Variants in SUZ12 observed in about 807,000 individuals in gnomAD.
The protein encoded by SUZ12 is SUZ12 polycomb repressive complex 2 subunit.
A neutral mutation model predicts 87.3 loss-of-function variants in SUZ12; 17 were observed. That is an observed-to-expected ratio of 0.19 (90% CI 0.13 to 0.29). The LOEUF (loss-of-function observed/expected upper bound fraction) is 0.29, where lower values mean the gene tolerates loss of function less well. Ranked by LOEUF, SUZ12 falls within the 10% of genes least tolerant of loss-of-function variation. SUZ12 has a pLI of 1.00. For synonymous variants in SUZ12, 253 were observed against 312.4 expected (o/e 0.81, Z 2.01); for missense variants, 526 against 912.2 (o/e 0.58, Z 5.45).
At chr17:31,993,792 G>C (rs1320144285) in intron 11 of SUZ12, 73 bp from the exon 12 acceptor site, 2 of 1,419,378 alleles carry the variant, frequency 1.4e-6, no homozygotes, top group Non-Finnish European at 1.9e-6. Context: ...ACTATTTTTA[G>C]AAGTGATATT....
chr17:31,994,284 C>A, intron 12 of SUZ12: 2 of 435,168 alleles, frequency 4.6e-6, no homozygotes, highest in South Asian at 5.1e-5. Flanking sequence ...CTAATTGACT[C>A]ACAAAATCCT....
chr17:31,969,384 G>A (rs1450167579), intron 5 of SUZ12, among the ~76,000 whole-genome samples: 1 of 152,064 alleles, frequency 6.6e-6, no homozygotes, highest in Admixed American at 6.6e-5. Flanking sequence ...CCCGATCTCA[G>A]GTGATTTGCC....
intron 1 of SUZ12, among the ~76,000 whole-genome samples, chr17:31,938,030 TA>T (rs1371517783): frequency 6.6e-6 from 1 of 150,602 alleles, no homozygotes; most frequent in East Asian, 1.9e-4. Flanking sequence ...TTTGGATGCT[TA>T]AAACCCTTCA....
rs2142122675 is a variant in SUZ12 at position 31,943,683 on chromosome 17, C to CT, written c.386+3198dup. On this transcript the variant is annotated intron_variant, in intron 3 of 15. Transcript: ENST00000322652. ...ATTCTATAAAACTAGTAGAATTCGA[C>CT]TAACTGTTTTGTTTCATCAAAGCTT... Among the ~76,000 whole-genome samples the CT allele has an allele frequency of 2.0e-5, 3 of 151,970 alleles. No individual in the cohort carries two copies. The East Asian group carries it at 5.8e-4, about 29-fold the overall frequency.
intron 9 of SUZ12, among the ~76,000 whole-genome samples, chr17:31,984,001 A>G (rs750724611): frequency 1.3e-5 from 2 of 152,164 alleles, no homozygotes; most frequent in Non-Finnish European, 2.9e-5. Context: ...GCAAAATCTC[A>G]TAAGGATTTT....
intron 3 of SUZ12, among the ~76,000 whole-genome samples, chr17:31,944,534 A>G (rs1452001048): frequency 1.3e-5 from 2 of 152,224 alleles, no homozygotes; most frequent in South Asian, 4.1e-4. Context: ...ATAATTTTAA[A>G]AGCTTGGTTA....
chr17:31,942,571 AG>A (rs1906367222), intron 3 of SUZ12, among the ~76,000 whole-genome samples: 1 of 151,682 alleles, frequency 6.6e-6, no homozygotes, highest in Admixed American at 6.6e-5. Flanking sequence ...TCCTGACCTC[AG>A]GTGATCCACT....
At chr17:31,994,437 C>T (rs1909867361) in intron 12 of SUZ12, 127 bp from the exon 13 acceptor site, 1 of 797,338 alleles carries the variant, frequency 1.3e-6, no homozygotes, top group East Asian at 3.1e-5. Context: ...TGCCTGTTTA[C>T]CATGCTGGTG....
At chr17:31,977,065 C>G (rs940748791) in intron 8 of SUZ12, among the ~76,000 whole-genome samples, 179 of 152,178 alleles carry the variant, frequency 1.2e-3, no homozygotes, top group African/African-American at 4.1e-3. Context: ...TGAGAAGAGA[C>G]TTAAATGGAC....
At chr17:31,984,973 T>C (rs1045182203) in intron 9 of SUZ12, among the ~76,000 whole-genome samples, 2 of 152,032 alleles carry the variant, frequency 1.3e-5, no homozygotes, top group South Asian at 2.1e-4. Context: ...CTGGCCAACA[T>C]GTCAAACCAC....
intron 3 of SUZ12, among the ~76,000 whole-genome samples, chr17:31,944,319 G>T (rs146543641): frequency 9.9e-5 from 15 of 151,894 alleles, no homozygotes; most frequent in Non-Finnish European, 2.2e-4. Context: ...GGAGAGATGG[G>T]GTTTCTCCAT....
chr17:31,970,432 A>G (rs1315940528), intron 5 of SUZ12, among the ~76,000 whole-genome samples: 1 of 152,132 alleles, frequency 6.6e-6, no homozygotes, highest in Non-Finnish European at 1.5e-5. Flanking sequence ...GTTTGAGACC[A>G]GCCTGGCCAA....
In SUZ12 at chr17:31,999,061, C is replaced by T. The variant is rs1910130658; in HGVS notation, c.*58C>T. 1.5e-6 allele frequency: 2 copies of T among 1,371,824 alleles called. No individual in the cohort carries two copies. Among genetic ancestry groups the T allele is most frequent in the South Asian group, 3.2e-5 (2 of 62,202 alleles). The allele number at this position is 1,371,824 out of a possible 1,614,324, so 85.0% of individuals were successfully genotyped here. ...GAAATTACATTTTAGGGAATTCATC[C>T]TCTAAGAATTATGTTTTTGTTTTTA... On this transcript the variant is annotated 3_prime_UTR_variant, in exon 16 of 16. Transcript: ENST00000322652.
intron 14 of SUZ12, 68 bp from the exon 15 acceptor site, chr17:31,996,729 GT>G: frequency 1.8e-6 from 2 of 1,109,758 alleles, no homozygotes; most frequent in South Asian, 3.3e-5. Context: ...AAAACATTCT[GT>G]TTTTGACATT....
intron 5 of SUZ12, among the ~76,000 whole-genome samples, chr17:31,968,428 C>G (rs1908221593): frequency 6.6e-6 from 1 of 152,074 alleles, no homozygotes; most frequent in African/African-American, 2.4e-5. Context: ...GATGGAATCT[C>G]ACTACATTTC....
chr17:31,953,389 G>T (rs187390701), intron 4 of SUZ12, among the ~76,000 whole-genome samples: 1 of 152,232 alleles, frequency 6.6e-6, no homozygotes, highest in East Asian at 1.9e-4. Context: ...GGGATTACAG[G>T]TGTGAGCCAC....
intron 4 of SUZ12, among the ~76,000 whole-genome samples, chr17:31,962,140 T>C (rs480827): frequency 0.27 from 41,068 of 149,680 alleles, 2,077 homozygotes; most frequent in African/African-American, 0.41. Flanking sequence ...TACTTTATTA[T>C]TTTCTGCAAG....
At chr17:31,951,848 C>T (rs1242630880) in intron 4 of SUZ12, among the ~76,000 whole-genome samples, 3 of 147,608 alleles carry the variant, frequency 2.0e-5, no homozygotes, top group African/African-American at 7.6e-5. Context: ...GATCTTGGCT[C>T]ACTGCAACCT....
Position 31,979,136 on chromosome 17 carries a change from C to T in SUZ12, c.917+2522C>T, listed in dbSNP as rs1242115824. 2.2e-5 allele frequency among the ~76,000 whole-genome samples: 3 copies of T among 137,820 alleles called. 1 individual carries two copies. The South Asian group carries it at 7.0e-4, about 32-fold the overall frequency. 90.4% of individuals were successfully genotyped at this position (137,820 alleles called of 152,430 possible). On this transcript the variant is annotated intron_variant, in intron 8 of 15. Coordinates refer to ENST00000322652, the MANE Select transcript of SUZ12 (RefSeq NM_015355.4). ...AAAAAAAAAAAAAAAGAATTCAAAA[C>T]GATAGGAAAGTTGAAAGAATACTAA...
Sources: gnomAD v4.1 joint callset for allele counts (sites outside exome capture counted in the v4.1 genomes callset) on GRCh38, gnomAD v4.1.1 for gene constraint, MANE v1.5 for transcripts, NCBI Gene and HGNC (gene_info 2026-07-23, HGNC 2026-07-21) for gene names.